The following PRH1 variants were observed in gnomAD, a reference collection of about 807,000 sequenced individuals.
PRH1 encodes the protein salivary acidic proline-rich phosphoprotein 1/2.
Under a neutral mutation model 7.9 loss-of-function variants are expected in PRH1, and 7 were observed. That is an observed-to-expected ratio of 0.89 (90% CI 0.50 to 1.67). The LOEUF (loss-of-function observed/expected upper bound fraction) is 1.67. Among genes scored for constraint, PRH1 ranks in the 40% most tolerant of loss-of-function variants. PRH1 has a pLI of 0.00. For synonymous variants in PRH1, 45 were observed against 80.8 expected (o/e 0.56, Z 2.38); for missense variants, 109 against 223.6 (o/e 0.49, Z 3.27).
chr12:10,908,353 T>A (rs1007878217), intron 2 of PRH1: 1 of 1,568,164 alleles, frequency 6.4e-7, no homozygotes, highest in Non-Finnish European at 8.6e-7. Context: ...TTCAATAATC[T>A]GTGGTCTGAA....
intron 1 of PRH1, among the ~76,000 whole-genome samples, chr12:10,976,386 A>G (rs759190023): frequency 6.6e-6 from 1 of 152,200 alleles, no homozygotes; most frequent in African/African-American, 2.4e-5. Context: ...GAAAAAAGAT[A>G]CAACATACCA....
intron 1 of PRH1, among the ~76,000 whole-genome samples, chr12:10,981,891 T>C (rs1939376650): frequency 6.6e-6 from 1 of 151,580 alleles, no homozygotes; most frequent in African/African-American, 2.4e-5. Context: ...TACAGATTCT[T>C]ACTATGTTGC....
intron 1 of PRH1, among the ~76,000 whole-genome samples, chr12:11,042,021 AAAG>A (rs139027195): frequency 0.21 from 31,903 of 152,000 alleles, 3,916 homozygotes; most frequent in Non-Finnish European, 0.27. Flanking sequence ...CTACATCAGA[AAAG>A]AAGAAAAATT....
At chr12:10,997,574 C>T in intron 1 of PRH1, 19 of 1,614,044 alleles carry the variant, frequency 1.2e-5, no homozygotes, top group Non-Finnish European at 1.6e-5. Flanking sequence ...TATGCTGAGG[C>T]TAGTAGCAAG....
At chr12:11,171,261 G>C in intron 1 of PRH1, 2 of 828,018 alleles carry the variant, frequency 2.4e-6, no homozygotes, top group Non-Finnish European at 3.2e-6. Context: ...GAGCCGCTTT[G>C]CTTACCGTCC....
rs565332019 is a variant in PRH1 at position 11,065,780 on chromosome 12, C to T, written n.124-18592G>A. ...TAGTGATTTTCTTCTTTTTGTAATA[C>T]TTAGGTCACAGAAGAGATTAAAATT... is the stretch of plus-strand genomic sequence containing the variant. On this transcript the variant is annotated intron_variant and non_coding_transcript_variant, in intron 1 of 4. Coordinates refer to the PRH1 transcript ENST00000541977. Among the ~76,000 whole-genome samples the T allele has an allele frequency of 3.3e-5, 5 of 152,230 alleles. No homozygotes were observed. In the East Asian group the frequency reaches 5.8e-4, roughly 18 times the overall value.
upstream of PRH1, among the ~76,000 whole-genome samples, chr12:11,051,405 T>C (rs564640981): frequency 2.0e-5 from 3 of 152,342 alleles, no homozygotes; most frequent in African/African-American, 7.2e-5. Flanking sequence ...ATAATAATTT[T>C]CATGGAACAT....
At chr12:10,946,030 A>G (rs905989678) in intron 2 of PRH1, among the ~76,000 whole-genome samples, 10 of 152,268 alleles carry the variant, frequency 6.6e-5, no homozygotes, top group African/African-American at 2.4e-4. Flanking sequence ...CAGATTTCAT[A>G]TTGTTCAAAC....
chr12:10,938,730 T>G (rs775947265), intron 2 of PRH1: 127 of 1,613,656 alleles, frequency 7.9e-5, no homozygotes, highest in Non-Finnish European at 1.1e-4. Flanking sequence ...TTGTTTCTTC[T>G]GTATCCATTG....
chr12:11,139,060 T>C (rs932677346), intron 1 of PRH1, among the ~76,000 whole-genome samples: 24 of 152,160 alleles, frequency 1.6e-4, no homozygotes, highest in Non-Finnish European at 2.6e-4. Context: ...AAGTTTTAAA[T>C]TTTAACTTGT....
chr12:10,987,500 G>C (rs970252935), intron 1 of PRH1, among the ~76,000 whole-genome samples: 2 of 151,906 alleles, frequency 1.3e-5, no homozygotes, highest in African/African-American at 4.8e-5. Flanking sequence ...ACTTTTGTGT[G>C]AATTTATTGT....
intron 2 of PRH1, among the ~76,000 whole-genome samples, chr12:10,959,090 GT>G (rs1401135768): frequency 6.6e-6 from 1 of 152,152 alleles, no homozygotes; most frequent in Admixed American, 6.5e-5. Flanking sequence ...GATTCTGTAG[GT>G]TTTTGAGGGT....
chr12:11,022,367 T>C (rs372919215), intron 1 of PRH1: 11 of 1,614,024 alleles, frequency 6.8e-6, no homozygotes, highest in Admixed American at 1.7e-5. Context: ...TTAAACACAG[T>C]TGCATACCAA....
At position 10,992,869 on chromosome 12, in the gene PRH1, C is replaced by G. The variant is rs557428297; in HGVS notation, c.-125-19148G>C. Among the ~76,000 whole-genome samples, 3 of 152,266 alleles carry G rather than the reference C, an allele frequency of 2.0e-5. No homozygotes were observed. In the South Asian group the frequency reaches 6.2e-4, roughly 32 times the overall value. ...GCAGAACTCTCACATTGCTTCCAGA[C>G]CTGTATATTAAGGGACATTACTGTA... On this transcript the variant is annotated intron_variant, in intron 1 of 3. Transcript: ENST00000539853.
chr12:10,931,407 TG>T (rs1565479660), intron 2 of PRH1, among the ~76,000 whole-genome samples: 2 of 152,226 alleles, frequency 1.3e-5, no homozygotes, highest in Admixed American at 6.5e-5. Flanking sequence ...AAGTTTTACC[TG>T]AACACTCCTT....
At chr12:11,043,789 A>G (rs529163706) in intron 1 of PRH1, among the ~76,000 whole-genome samples, 1 of 152,298 alleles carries the variant, frequency 6.6e-6, no homozygotes, top group South Asian at 2.1e-4. Context: ...AAGAAATTGA[A>G]AAGGACACCC....
At chr12:11,064,992 C>T (rs1301150542) in intron 1 of PRH1, among the ~76,000 whole-genome samples, 1 of 151,934 alleles carries the variant, frequency 6.6e-6, no homozygotes, top group Non-Finnish European at 1.5e-5. Flanking sequence ...AGCCATGATC[C>T]TACCACTGAA....
At chr12:11,042,349 A>C (rs2136127900) in intron 1 of PRH1, among the ~76,000 whole-genome samples, 1 of 152,068 alleles carries the variant, frequency 6.6e-6, no homozygotes, top group South Asian at 2.1e-4. Flanking sequence ...TATATCAATA[A>C]ATTGGAATCT....
intron 1 of PRH1, among the ~76,000 whole-genome samples, chr12:11,039,994 T>C (rs1038445016): frequency 6.6e-6 from 1 of 152,226 alleles, no homozygotes; most frequent in Non-Finnish European, 1.5e-5. Flanking sequence ...TTATCGCTCA[T>C]GCTGAGGCCT....
Sources: gnomAD v4.1 joint callset for allele counts (sites outside exome capture counted in the v4.1 genomes callset) on GRCh38, gnomAD v4.1.1 for gene constraint, MANE v1.5 for transcripts, NCBI Gene and HGNC (gene_info 2026-07-23, HGNC 2026-07-21) for gene names.